Variants in THSD7A observed in about 807,000 individuals in gnomAD.
THSD7A encodes the protein thrombospondin type 1 domain containing 7A.
A neutral mutation model predicts 231.3 loss-of-function variants in THSD7A; 96 were observed. The observed-to-expected ratio is 0.41, with a 90% CI of 0.35 to 0.49. The LOEUF (loss-of-function observed/expected upper bound fraction) is 0.49, where lower values mean the gene tolerates loss of function less well. THSD7A is among the 20% of genes least tolerant of loss of function. THSD7A has a pLI of 0.05. For synonymous variants in THSD7A, 940 were observed against 743.3 expected, an observed-to-expected ratio of 1.26 and a Z score of -4.30; for missense variants, 2,290 against 2,070.2, an observed-to-expected ratio of 1.11 and a Z score of -2.06.
chr7:11,516,549 G>C (rs1441857217), intron 6 of THSD7A, among the ~76,000 whole-genome samples: 1 of 152,180 alleles, frequency 6.6e-6, no homozygotes. Context: ...AGATGACCTT[G>C]TTTGTACAGC....
intron 6 of THSD7A, among the ~76,000 whole-genome samples, chr7:11,501,024 AGAC>A (rs1383923292): frequency 6.6e-6 from 1 of 152,006 alleles, no homozygotes; most frequent in Non-Finnish European, 1.5e-5. Flanking sequence ...TAAAAAAAAA[AGAC>A]AAGGAAGGGC....
intron 1 of THSD7A, among the ~76,000 whole-genome samples, chr7:11,671,258 G>C (rs1294218527): frequency 6.6e-6 from 1 of 152,160 alleles, no homozygotes; most frequent in East Asian, 1.9e-4. Flanking sequence ...GATAGCTTCT[G>C]GTTGTGCCTC....
intron 7 of THSD7A, 88 bp downstream of exon 7, chr7:11,481,700 T>C (rs189400294): frequency 4.2e-5 from 56 of 1,340,328 alleles, no homozygotes; most frequent in Admixed American, 5.0e-5. Flanking sequence ...TTGACTTTCA[T>C]AGAATATCAT....
intron 1 of THSD7A, among the ~76,000 whole-genome samples, chr7:11,731,319 T>G (rs2128157266): frequency 6.6e-6 from 1 of 151,668 alleles, no homozygotes; most frequent in South Asian, 2.1e-4. Flanking sequence ...CTCCCCTGAT[T>G]ATTGTGCATT....
chr7:11,749,288 GC>G, intron 1 of THSD7A, among the ~76,000 whole-genome samples: 1 of 151,874 alleles, frequency 6.6e-6, no homozygotes, highest in Middle Eastern at 3.4e-3. Context: ...ATTTTTCCAT[GC>G]CCCAACCTCA....
At chr7:11,800,317 G>A (rs1311779647) in intron 1 of THSD7A, among the ~76,000 whole-genome samples, 2 of 152,202 alleles carry the variant, frequency 1.3e-5, no homozygotes, top group African/African-American at 2.4e-5. Flanking sequence ...TGGAGGCCGA[G>A]GTGAGAAGAT....
rs75051913 is a variant in THSD7A at position 11,625,669 on chromosome 7, G to A, written c.1022+10461C>T. On this transcript the variant is annotated intron_variant, in intron 2 of 27. Transcript: ENST00000423059. ...GAATTACTAATATAATGTGTTAGCAGACTCTAAAAGAGTGAGCATATTCTT... is the reference window on the plus strand; with the variant it reads ...GAATTACTAATATAATGTGTTAGCAAACTCTAAAAGAGTGAGCATATTCTT... Among the ~76,000 whole-genome samples the A allele has an allele frequency of 9.7e-3, 1,467 of 150,806 alleles. 12 individuals are homozygous for A. Among genetic ancestry groups the A allele is most frequent in the Non-Finnish European group, 0.015 (1,047 of 67,746 alleles).
At chr7:11,463,698 T>A (rs39185) in intron 9 of THSD7A, among the ~76,000 whole-genome samples, 73,097 of 151,922 alleles carry the variant, frequency 0.48, 17,902 homozygotes, top group East Asian at 0.63. Context: ...CAGCAGAGAA[T>A]TAAAGTATTT....
At chr7:11,611,840 GTCTATCTATCTATCTATCTA>G (rs570012898) in intron 2 of THSD7A, among the ~76,000 whole-genome samples, 9 of 139,530 alleles carry the variant, frequency 6.5e-5, no homozygotes, top group Non-Finnish European at 1.1e-4. Flanking sequence ...ACTATCATCT[GTCTATCTATCTATCTATCTA>G]TCTATCTATC....
chr7:11,435,143 G>A (rs1042922859), intron 13 of THSD7A, among the ~76,000 whole-genome samples: 1 of 151,930 alleles, frequency 6.6e-6, no homozygotes, highest in African/African-American at 2.4e-5. Flanking sequence ...TTTTAATACT[G>A]GGAATTTACT....
At chr7:11,603,856 T>C (rs908237453) in intron 2 of THSD7A, among the ~76,000 whole-genome samples, 7 of 124,300 alleles carry the variant, frequency 5.6e-5, no homozygotes, top group African/African-American at 2.2e-4. Flanking sequence ...GGAAGGGGAA[T>C]ATCACACTCT....
chr7:11,438,526 T>G (rs1346199273), intron 13 of THSD7A, among the ~76,000 whole-genome samples: 2 of 151,940 alleles, frequency 1.3e-5, no homozygotes, highest in African/African-American at 4.8e-5. Context: ...TGTAATATCA[T>G]TCACAAGCAT....
chr7:11,420,340 C>G (rs1784102110), intron 16 of THSD7A, among the ~76,000 whole-genome samples: 1 of 152,192 alleles, frequency 6.6e-6, no homozygotes, highest in Admixed American at 6.5e-5. Flanking sequence ...GGACATGGCA[C>G]CTTGCAACCC....
At chr7:11,823,200 T>G (rs1784923934) in intron 1 of THSD7A, among the ~76,000 whole-genome samples, 1 of 152,116 alleles carries the variant, frequency 6.6e-6, no homozygotes, top group East Asian at 1.9e-4. Flanking sequence ...CACCATTTAT[T>G]GAAAGGAGAG....
At chr7:11,750,475 T>C (rs559167633) in intron 1 of THSD7A, among the ~76,000 whole-genome samples, 26 of 152,150 alleles carry the variant, frequency 1.7e-4, no homozygotes, top group African/African-American at 6.3e-4. Flanking sequence ...GTTCCCTTTT[T>C]TAATTGTAAC....
Position 11,406,500 on chromosome 7 carries a change from T to A in THSD7A, c.4063-26A>T. On this transcript the variant is annotated intron_variant, in intron 21 of 27. Transcript: ENST00000423059. The surrounding 1 kb of genome is among the most constrained non-coding windows in gnomAD (Gnocchi z 4.7). ...CTGGAATGGAGGAAGAAATAACTAA[T>A]TAGAAAAAGAGAAATACTTCATTAG... is the stretch of plus-strand genomic sequence containing the variant. 6.3e-7 allele frequency: 1 copy of A among 1,580,934 alleles called. No individual in the cohort carries two copies. The highest frequency in any genetic ancestry group is 8.6e-7 in the Non-Finnish European group (1 of 1,165,206).
In THSD7A at chr7:11,446,674, T is replaced by G. The variant is rs113206138; in HGVS notation, c.2801-350A>C. Among the ~76,000 whole-genome samples, 4 of 152,268 alleles carry G rather than the reference T, an allele frequency of 2.6e-5. No individual in the cohort carries two copies. The highest frequency in any genetic ancestry group is 9.6e-5 in the African/African-American group (4 of 41,576). ...AGGTGGTTCATTTTTTAACTTAAATTCTGAGTACTCTACTAGCACCAATAT... is the reference window on the plus strand; with the variant it reads ...AGGTGGTTCATTTTTTAACTTAAATGCTGAGTACTCTACTAGCACCAATAT... On this transcript the variant is annotated intron_variant, in intron 12 of 27. Transcript: ENST00000423059. The surrounding 1 kb of genome is among the most constrained non-coding windows in gnomAD (Gnocchi z 4.0).
chr7:11,536,604 G>A (rs1398817216), intron 6 of THSD7A, among the ~76,000 whole-genome samples: 1 of 152,122 alleles, frequency 6.6e-6, no homozygotes, highest in Non-Finnish European at 1.5e-5. Flanking sequence ...TCCTCCTAGT[G>A]AATCACTAAA....
intron 6 of THSD7A, among the ~76,000 whole-genome samples, chr7:11,518,327 C>T (rs537003397): frequency 3.3e-5 from 5 of 151,960 alleles, no homozygotes; most frequent in Non-Finnish European, 7.4e-5. Flanking sequence ...GACTAGGAAG[C>T]GTGAGAGACT....
Sources: gnomAD v4.1 joint callset for allele counts (sites outside exome capture counted in the v4.1 genomes callset) on GRCh38, gnomAD v4.1.1 for gene constraint, Gnocchi (gnomAD v3.1) non-coding constraint, MANE v1.5 for transcripts, NCBI Gene and HGNC (gene_info 2026-07-23, HGNC 2026-07-21) for gene names.